Variants in GRIN2B observed in about 807,000 individuals in gnomAD.
GRIN2B encodes glutamate ionotropic receptor NMDA type subunit 2B.
Under a neutral mutation model 114.5 loss-of-function variants are expected in GRIN2B, and 5 were observed. That is an observed-to-expected ratio of 0.04 (90% confidence interval 0.02 to 0.09). GRIN2B has a LOEUF of 0.09. Among genes scored for constraint, GRIN2B ranks in the 10% least tolerant of loss-of-function variants. GRIN2B has a pLI of 1.00. For synonymous variants in GRIN2B, 787 were observed against 745.1 expected, an observed-to-expected ratio of 1.06 and a Z score of -0.92; for missense variants, 1,108 against 1,943.5, an observed-to-expected ratio of 0.57 and a Z score of 8.08.
At chr12:13,834,630 T>C (rs562085138) in intron 3 of GRIN2B, among the ~76,000 whole-genome samples, 4 of 152,272 alleles carry the variant, frequency 2.6e-5, no homozygotes, top group South Asian at 4.1e-4. Context: ...TGCTCTCCCT[T>C]CGGCCCTTTC....
At chr12:13,772,327 C>T (rs1213639403) in intron 3 of GRIN2B, among the ~76,000 whole-genome samples, 2 of 152,134 alleles carry the variant, frequency 1.3e-5, no homozygotes, top group African/African-American at 4.8e-5. Context: ...TCTAGATTTC[C>T]TCTAGGCTTG....
chr12:13,927,954 A>T (rs1328370963), intron 2 of GRIN2B, among the ~76,000 whole-genome samples: 1 of 79,890 alleles, frequency 1.3e-5, no homozygotes, highest in Admixed American at 1.4e-4. Flanking sequence ...GAAACAGAGC[A>T]AGACCCTGTC....
intron 2 of GRIN2B, among the ~76,000 whole-genome samples, chr12:13,969,997 C>T (rs1283317666): frequency 1.3e-5 from 2 of 152,174 alleles, no homozygotes; most frequent in Non-Finnish European, 2.9e-5. Flanking sequence ...GGATTATAGG[C>T]AACTGCCACC....
intron 5 of GRIN2B, among the ~76,000 whole-genome samples, chr12:13,648,537 A>C (rs1949784656): frequency 6.6e-6 from 1 of 151,966 alleles, no homozygotes; most frequent in Non-Finnish European, 1.5e-5. Context: ...TTGCTATAAG[A>C]AGTCCTAGGA....
At chr12:13,877,133 G>A (rs1332206426) in intron 2 of GRIN2B, among the ~76,000 whole-genome samples, 24 of 152,178 alleles carry the variant, frequency 1.6e-4, no homozygotes, top group Admixed American at 1.5e-3. Flanking sequence ...GTTTATATGA[G>A]AGTTGCATGT....
chr12:13,581,385 G>T (rs1948847046), intron 10 of GRIN2B, among the ~76,000 whole-genome samples: 1 of 152,190 alleles, frequency 6.6e-6, no homozygotes, highest in Admixed American at 6.5e-5. Context: ...GAAGGGATAT[G>T]TATGTGTGAT....
intron 3 of GRIN2B, among the ~76,000 whole-genome samples, chr12:13,851,399 C>T (rs115487939): frequency 8.9e-4 from 135 of 152,250 alleles, no homozygotes; most frequent in African/African-American, 3.1e-3. Context: ...AATGACATTG[C>T]ACTGGAAACC....
chr12:13,632,160 T>C (rs1949620578), intron 5 of GRIN2B, among the ~76,000 whole-genome samples: 1 of 152,218 alleles, frequency 6.6e-6, no homozygotes, highest in Admixed American at 6.5e-5. Flanking sequence ...GTTCCAGTGC[T>C]TCCAGTTCAG....
intron 5 of GRIN2B, among the ~76,000 whole-genome samples, chr12:13,653,320 A>T (rs1949835105): frequency 6.6e-6 from 1 of 152,168 alleles, no homozygotes; most frequent in Non-Finnish European, 1.5e-5. Context: ...TCTGTGAGAC[A>T]TAAAAGTTAA....
At chr12:13,710,064 T>C (rs1950399292) in intron 4 of GRIN2B, among the ~76,000 whole-genome samples, 1 of 152,010 alleles carries the variant, frequency 6.6e-6, no homozygotes. Context: ...GTTATATTCA[T>C]AAAATGGTAT....
intron 2 of GRIN2B, among the ~76,000 whole-genome samples, chr12:13,979,654 A>T (rs1418915107): frequency 2.0e-5 from 3 of 152,142 alleles, no homozygotes; most frequent in African/African-American, 7.2e-5. Flanking sequence ...ATAGATATAG[A>T]TACATTCCCC....
At chr12:13,739,074 T>G (rs1166385456) in intron 4 of GRIN2B, among the ~76,000 whole-genome samples, 3 of 152,040 alleles carry the variant, frequency 2.0e-5, no homozygotes, top group Non-Finnish European at 2.9e-5. Flanking sequence ...TTTAGAAGAC[T>G]CTTGTATCTG....
chr12:13,564,749 A>G lies in GRIN2B; in HGVS notation c.2599-110T>C. ...CAACTGGATAAGAAAAAGGGAAAGC[A>G]TGAAGCGAATAGTCTAATATACTAT... On this transcript the variant is annotated intron_variant, in intron 13 of 13. Coordinates refer to ENST00000609686, the MANE Select transcript of GRIN2B (RefSeq NM_000834.5). The surrounding 1 kb of genome is among the most constrained non-coding windows in gnomAD (Gnocchi z 4.8). 1.0e-6 allele frequency: 1 copy of G among 989,702 alleles called. No individual in the cohort carries two copies. The highest frequency in any genetic ancestry group is 1.3e-5 in the South Asian group (1 of 77,856). The allele number at this position is 989,702 out of a possible 1,614,324, so 61.3% of individuals were successfully genotyped here. A position where few individuals can be genotyped will look rare whatever the true frequency, so the allele number is the denominator to read the frequency against.
chr12:13,880,766 G>T (rs1011810903), intron 2 of GRIN2B, among the ~76,000 whole-genome samples: 1 of 152,156 alleles, frequency 6.6e-6, no homozygotes, highest in Non-Finnish European at 1.5e-5. Context: ...ATGAACCTAA[G>T]TACAATGACC....
chr12:13,965,580 C>CACAT, intron 2 of GRIN2B, among the ~76,000 whole-genome samples: 1 of 151,412 alleles, frequency 6.6e-6, no homozygotes, highest in South Asian at 2.1e-4. Flanking sequence ...CACACACACA[C>CACAT]GTGTGTGTGA....
intron 3 of GRIN2B, among the ~76,000 whole-genome samples, chr12:13,765,788 T>C (rs898360404): frequency 5.9e-5 from 9 of 152,210 alleles, no homozygotes; most frequent in Non-Finnish European, 8.8e-5. Flanking sequence ...ATGAAGGGTC[T>C]TGCCCAGGGT....
intron 2 of GRIN2B, among the ~76,000 whole-genome samples, chr12:13,906,591 AAG>A (rs1866538440): frequency 6.6e-6 from 1 of 152,204 alleles, no homozygotes; most frequent in African/African-American, 2.4e-5. Context: ...GTGTGTAAGA[AAG>A]AGAGAAAAAG....
intron 10 of GRIN2B, among the ~76,000 whole-genome samples, chr12:13,589,504 G>T (rs1172115529): frequency 2.6e-5 from 4 of 152,210 alleles, no homozygotes; most frequent in African/African-American, 9.6e-5. Flanking sequence ...ACTAACCTTA[G>T]TACCAACAAA....
At chr12:13,771,889 G>A (rs966451057) in intron 3 of GRIN2B, among the ~76,000 whole-genome samples, 4 of 152,212 alleles carry the variant, frequency 2.6e-5, no homozygotes, top group African/African-American at 9.7e-5. Context: ...GTCCTTCAAT[G>A]CAACCTAGAA....
Sources: gnomAD v4.1 joint callset for allele counts (sites outside exome capture counted in the v4.1 genomes callset) on GRCh38, gnomAD v4.1.1 for gene constraint, Gnocchi (gnomAD v3.1) non-coding constraint, MANE v1.5 for transcripts, NCBI Gene and HGNC (gene_info 2026-07-23, HGNC 2026-07-21) for gene names.